Variants in ETV5 observed in about 807,000 individuals in gnomAD.
ETV5 encodes the protein ETS variant transcription factor 5, also known as ETS translocation variant 5.
Under a neutral mutation model 70.0 loss-of-function variants are expected in ETV5, and 10 were observed. The observed-to-expected ratio is 0.14, with a 90% CI of 0.09 to 0.24. The LOEUF is 0.24. Ranked by LOEUF, ETV5 falls within the 10% of genes least tolerant of loss-of-function variation. The pLI, the probability that ETV5 is intolerant of heterozygous loss-of-function variation, is 1.00. For missense variants in ETV5, 453 were observed against 651.2 expected, an observed-to-expected ratio of 0.70 and a Z score of 3.31; for synonymous variants, 216 against 242.2, an observed-to-expected ratio of 0.89 and a Z score of 1.01.
chr3:186,060,352 TCCTC>T (rs1478147872), intron 9 of ETV5, among the ~76,000 whole-genome samples: 1 of 152,154 alleles, frequency 6.6e-6, no homozygotes, highest in Non-Finnish European at 1.5e-5. Flanking sequence ...CCACATGTGG[TCCTC>T]TACACCATCT....
intron 1 of ETV5, chr3:186,108,593 G>A: frequency 8.1e-7 from 1 of 1,231,374 alleles, no homozygotes; most frequent in South Asian, 1.4e-5. Flanking sequence ...AGTCCCCTCG[G>A]GGCTCTCGAA....
intron 5 of ETV5, chr3:186,084,374 G>C (rs1714005267): frequency 2.9e-6 from 1 of 346,936 alleles, no homozygotes; most frequent in Non-Finnish European, 5.6e-6. Flanking sequence ...AATTGTAGAA[G>C]AGGGGCCCAC....
intron 9 of ETV5, among the ~76,000 whole-genome samples, chr3:186,060,194 G>T (rs763285666): frequency 6.6e-6 from 1 of 152,088 alleles, no homozygotes; most frequent in Non-Finnish European, 1.5e-5. Flanking sequence ...TCTCCTCTAA[G>T]GTAAGAAAAA....
At chr3:186,058,449 C>T (rs1278268159) in intron 9 of ETV5, among the ~76,000 whole-genome samples, 2 of 152,200 alleles carry the variant, frequency 1.3e-5, no homozygotes, top group African/African-American at 2.4e-5. Flanking sequence ...AGCAGTGCTT[C>T]CCTGTGCTCC....
chr3:186,048,728 G>C lies in ETV5; in HGVS notation c.1444C>G (p.Pro482Ala). The part of the protein sequence containing the change: ...ECHLSEEDTL[P>A]LTHFEDSPAY... ...GGGCTGTCTTCAAAGTGGGTCAGCGGCAGGGTGTCCTCCTCGCTGAGGTGG... is the reference window on the plus strand; with the variant it reads ...GGGCTGTCTTCAAAGTGGGTCAGCGCCAGGGTGTCCTCCTCGCTGAGGTGG... The change falls in exon 13 of 13, where the codon CCG becomes GCG. Residue 482 changes from proline (P) to alanine (A), a missense_variant. Around this residue, in one of 4 missense-constraint regions of ETV5, gnomAD observed 74 missense variants for 95.2 expected, o/e 0.78. Coordinates refer to ENST00000306376, the MANE Select transcript of ETV5 (RefSeq NM_004454.3). 1 of 1,614,166 alleles carries C rather than the reference G, an allele frequency of 6.2e-7. No individual in the cohort carries two copies. The highest frequency in any genetic ancestry group is 8.5e-7 in the Non-Finnish European group (1 of 1,180,028).
At position 186,054,427 on chromosome 3, in the gene ETV5, T is replaced by G. The variant is rs1713108068; in HGVS notation, c.1210-2296A>C. On this transcript the variant is annotated intron_variant, in intron 11 of 12. Transcript: ENST00000306376. This position sits in a 1 kb window ranked among gnomAD's most constrained non-coding sequence, Gnocchi z 4.4. ...CCTTCAAACCTCCCAGCAGCAGTTA[T>G]CTGCCACATGTTCAACAAACAACCC... Among the ~76,000 whole-genome samples the G allele has an allele frequency of 6.6e-6, 1 of 152,164 alleles. No individual in the cohort carries two copies. The highest frequency in any genetic ancestry group is 2.4e-5 in the African/African-American group (1 of 41,436).
intron 6 of ETV5, 51 bp from the exon 7 acceptor site, chr3:186,080,155 C>A (rs748355262): frequency 1.4e-6 from 2 of 1,407,732 alleles, no homozygotes; most frequent in East Asian, 5.4e-5. Context: ...AAGCCATTAG[C>A]ATGGTTACCA....
chr3:186,081,311 C>T (rs1713929859), intron 5 of ETV5, 136 bp from the exon 6 acceptor site: 1 of 813,332 alleles, frequency 1.2e-6, no homozygotes, highest in Admixed American at 3.6e-5. Context: ...TCAGAAAAAG[C>T]AAAACGCTTA....
chr3:186,073,555 A>G lies in ETV5; in HGVS notation c.650+6262T>C, dbSNP rs147630847. On this transcript the variant is annotated intron_variant, in intron 7 of 12. Coordinates refer to ENST00000306376, the MANE Select transcript of ETV5 (RefSeq NM_004454.3). The stretch of plus-strand genomic sequence containing the variant: ...ATACTGTTTCTACAATCATTTAAAA[A>G]TACTCTCTGGATGAGAGATAATAAA... 4.4e-4 allele frequency among the ~76,000 whole-genome samples: 67 copies of G among 152,360 alleles called. No homozygotes were observed. The East Asian group carries it at 0.011, about 25-fold the overall frequency.
intron 12 of ETV5, among the ~76,000 whole-genome samples, chr3:186,050,106 A>T (rs987606366): frequency 6.6e-6 from 1 of 152,178 alleles, no homozygotes; most frequent in East Asian, 1.9e-4. Flanking sequence ...ATGGCACATT[A>T]TTATTTCTGA....
intron 1 of ETV5, chr3:186,108,394 C>T (rs928993753): frequency 2.7e-6 from 2 of 735,488 alleles, no homozygotes; most frequent in Non-Finnish European, 4.2e-6. Flanking sequence ...CTTTCCACCA[C>T]CTGAAACTTG....
At position 186,105,727 on chromosome 3, in the gene ETV5, CAG is replaced by C; in HGVS notation, c.46-17_46-16del. 1.2e-6 allele frequency: 2 copies of C among 1,614,112 alleles called. No individual in the cohort carries two copies. The highest frequency in any genetic ancestry group is 1.7e-6 in the Non-Finnish European group (2 of 1,180,012). ...GATCGAGATTTCTGAAAGAGGCCAACAGAAAGTGAAGGCTCAAGTGTAGTAAA... is the reference window on the plus strand; with the variant it reads ...GATCGAGATTTCTGAAAGAGGCCAACAAAGTGAAGGCTCAAGTGTAGTAAA... On this transcript the variant is annotated splice_polypyrimidine_tract_variant and intron_variant, in intron 2 of 12. Coordinates refer to ENST00000306376, the MANE Select transcript of ETV5 (RefSeq NM_004454.3). The surrounding 1 kb of genome is among the most constrained non-coding windows in gnomAD (Gnocchi z 4.5).
chr3:186,103,617 GCAAA>G (rs1714516323), intron 5 of ETV5, among the ~76,000 whole-genome samples: 1 of 104,428 alleles, frequency 9.6e-6, no homozygotes, highest in African/African-American at 4.0e-5. Flanking sequence ...CTTTCATCTT[GCAAA>G]CACACACACA....
intron 5 of ETV5, among the ~76,000 whole-genome samples, chr3:186,085,542 C>T (rs566219838): frequency 1.1e-4 from 17 of 149,138 alleles, no homozygotes; most frequent in Non-Finnish European, 2.1e-4. Context: ...GAGTTTCGCC[C>T]TTGTTGCCCA....
chr3:186,081,125 G>A lies in ETV5; in HGVS notation c.283C>T (p.Pro95Ser). The A allele has an allele frequency of 6.2e-7, 1 of 1,613,782 alleles. No homozygotes were observed. Among genetic ancestry groups the A allele is most frequent in the Non-Finnish European group, 8.5e-7 (1 of 1,179,772 alleles). Reference sequence around the variant, plus strand: ...CTACAAGACGACAGCTCAGAGGAGGGGCTGTGCAGCTCCCGTTTGATCTTG... The same window carrying A: ...CTACAAGACGACAGCTCAGAGGAGGAGCTGTGCAGCTCCCGTTTGATCTTG... Reference protein sequence around the residue: ...PTKIKRELHSPSSELSSCSHE... With the variant: ...PTKIKRELHSSSSELSSCSHE... The change falls in exon 6 of 13, where the codon CCC becomes TCC. Residue 95 changes from proline (P) to serine (S), a missense_variant. Physicochemically the swap from Pro to Ser is moderately conservative, Grantham distance 74 (BLOSUM62 -1). Coordinates refer to ENST00000306376, the MANE Select transcript of ETV5 (RefSeq NM_004454.3).
At chr3:186,080,193 C>T in intron 6 of ETV5, 89 bp from the exon 7 acceptor site, 1 of 1,111,340 alleles carries the variant, frequency 9.0e-7, no homozygotes, top group Non-Finnish European at 1.2e-6. Context: ...GTTTGCAGCC[C>T]ATTGTTGCCA....
chr3:186,097,263 T>TA (rs1405993656), intron 5 of ETV5, among the ~76,000 whole-genome samples: 3 of 152,146 alleles, frequency 2.0e-5, no homozygotes, highest in Admixed American at 2.0e-4. Flanking sequence ...TACGGTCGTT[T>TA]AAAAAATACT....
At chr3:186,058,945 G>A (rs140759047) in intron 9 of ETV5, among the ~76,000 whole-genome samples, 7,317 of 151,414 alleles carry the variant, frequency 0.048, 238 homozygotes, top group African/African-American at 0.085. Context: ...TCCAGGAGGC[G>A]GAGGTTACAG....
At chr3:186,067,160 G>A (rs1048815201) in intron 7 of ETV5, among the ~76,000 whole-genome samples, 7 of 152,160 alleles carry the variant, frequency 4.6e-5, no homozygotes, top group Admixed American at 2.6e-4. Flanking sequence ...GGCCCAGCAC[G>A]GTGGTGGCTC....
Sources: allele counts gnomAD v4.1 joint callset (sites outside exome capture counted in the v4.1 genomes callset), GRCh38; gene constraint gnomAD v4.1.1; regional missense constraint gnomAD v4.1.1; non-coding constraint Gnocchi (gnomAD v3.1); transcripts MANE v1.5; gene names NCBI Gene and HGNC (gene_info 2026-07-23, HGNC 2026-07-21).